VGLL4: variants seen among roughly 807,000 people sequenced by gnomAD.
VGLL4 encodes the protein transcription cofactor vestigial-like protein 4.
In VGLL4, 7 loss-of-function variants were observed where a neutral mutation model predicts 21.0. That is an observed-to-expected ratio of 0.33 (90% CI 0.19 to 0.63). VGLL4 has a LOEUF of 0.63. Among genes scored for constraint, VGLL4 ranks in the 20% least tolerant of loss-of-function variants. VGLL4 has a pLI of 0.78. For synonymous variants in VGLL4, 222 were observed against 173.2 expected, an observed-to-expected ratio of 1.28 and a Z score of -2.21; for missense variants, 394 against 425.7, an observed-to-expected ratio of 0.93 and a Z score of 0.66.
intron 1 of VGLL4, among the ~76,000 whole-genome samples, chr3:11,634,670 G>A (rs1346230685): frequency 3.2e-5 from 3 of 93,058 alleles, no homozygotes; most frequent in Admixed American, 1.4e-4. Flanking sequence ...GAAGGAATGA[G>A]GACTCAGGTT....
At chr3:11,709,451 A>G (rs201408964) in intron 1 of VGLL4, among the ~76,000 whole-genome samples, 1 of 136,556 alleles carries the variant, frequency 7.3e-6, no homozygotes, top group Non-Finnish European at 1.6e-5. Flanking sequence ...AAAAAAAAAA[A>G]AAAAAAAAAC....
intron 1 of VGLL4, among the ~76,000 whole-genome samples, chr3:11,717,388 G>A (rs2076933780): frequency 6.6e-6 from 1 of 150,566 alleles, no homozygotes; most frequent in Non-Finnish European, 1.5e-5. Flanking sequence ...ATACCTAGAA[G>A]AGACACGAAA....
chr3:11,622,252 T>C (rs1400405133), intron 1 of VGLL4, among the ~76,000 whole-genome samples: 3 of 152,220 alleles, frequency 2.0e-5, no homozygotes, highest in African/African-American at 7.2e-5. Context: ...ATCCGGTTTC[T>C]TGATAAGCCA....
chr3:11,583,012 T>C (rs191306319), intron 2 of VGLL4, among the ~76,000 whole-genome samples: 12 of 152,300 alleles, frequency 7.9e-5, no homozygotes, highest in Admixed American at 4.6e-4. Context: ...GTGCAAGAAG[T>C]TGCTAAGTCT....
At chr3:11,624,174 G>A (rs1165242362) in intron 1 of VGLL4, among the ~76,000 whole-genome samples, 2 of 152,156 alleles carry the variant, frequency 1.3e-5, no homozygotes, top group African/African-American at 4.8e-5. Flanking sequence ...TCCTAGGTCT[G>A]GCTCCAGTCC....
At chr3:11,646,984 A>G (rs2075803461), upstream of VGLL4, among the ~76,000 whole-genome samples, 1 of 152,220 alleles carries the variant, frequency 6.6e-6, no homozygotes, top group Non-Finnish European at 1.5e-5. Context: ...TCAAATCTTA[A>G]TATTAAAGAA....
intron 2 of VGLL4, among the ~76,000 whole-genome samples, chr3:11,579,199 T>C (rs1333934361): frequency 2.8e-5 from 4 of 144,408 alleles, no homozygotes; most frequent in African/African-American, 1.0e-4. Flanking sequence ...GGGGAAAGGG[T>C]TGGCCAAGCT....
At chr3:11,601,706 T>G (rs1361226359) in intron 2 of VGLL4, 127 bp downstream of exon 2, 1 of 1,193,858 alleles carries the variant, frequency 8.4e-7, no homozygotes, top group Non-Finnish European at 1.2e-6. Flanking sequence ...CTATTTTTCT[T>G]TTGTAAATAA....
intron 2 of VGLL4, among the ~76,000 whole-genome samples, chr3:11,691,983 G>GAAAAAA (rs36035876): frequency 9.5e-6 from 1 of 105,684 alleles, no homozygotes; most frequent in Admixed American, 9.7e-5. Context: ...TGCACCAAAT[G>GAAAAAA]AAAAAAAAAA....
chr3:11,693,099 G>A (rs931663776), intron 2 of VGLL4: 8 of 208,164 alleles, frequency 3.8e-5, no homozygotes, highest in Non-Finnish European at 7.3e-5. Flanking sequence ...GAGCCCCAGG[G>A]GGCGGAGCTT....
chr3:11,659,326 C>CTTTTTTTTTTTTTTTTTTT (rs5846714), intron 2 of VGLL4, among the ~76,000 whole-genome samples: 1 of 70,824 alleles, frequency 1.4e-5, no homozygotes, highest in Admixed American at 2.0e-4. Flanking sequence ...TTTTCTTTTT[C>CTTTTTTTTTTTTTTTTTTT]TTTTTTTTTT....
At chr3:11,645,527 T>C (rs1408520973), upstream of VGLL4, among the ~76,000 whole-genome samples, 2 of 94,498 alleles carry the variant, frequency 2.1e-5, no homozygotes, top group African/African-American at 8.3e-5. Flanking sequence ...GAAGCGGAGC[T>C]TGCAGTGAGC....
At chr3:11,648,922 G>A (rs1157153247) in intron 2 of VGLL4, among the ~76,000 whole-genome samples, 2 of 152,238 alleles carry the variant, frequency 1.3e-5, no homozygotes, top group South Asian at 2.1e-4. Flanking sequence ...TGCTAATGCA[G>A]TATAAACAGA....
intron 1 of VGLL4, among the ~76,000 whole-genome samples, chr3:11,620,987 A>G (rs543094980): frequency 1.3e-5 from 2 of 152,324 alleles, no homozygotes; most frequent in Admixed American, 1.3e-4. Flanking sequence ...ACCAGACACA[A>G]AGCCTGGCAC....
chr3:11,565,291 G>A lies in VGLL4; in HGVS notation c.273-272C>T, dbSNP rs1276417001. ...AGTGGCGTCCTCTGCCTGACTCTGT[G>A]TTCACTTCTATAATAATCTCCACTC... On this transcript the variant is annotated intron_variant, in intron 2 of 4. Transcript: ENST00000430365. The surrounding 1 kb of genome is among the most constrained non-coding windows in gnomAD (Gnocchi z 4.1). 6.6e-6 allele frequency among the ~76,000 whole-genome samples: 1 copy of A among 152,088 alleles called. No individual in the cohort carries two copies. The highest frequency in any genetic ancestry group is 1.5e-5 in the Non-Finnish European group (1 of 68,026).
intron 2 of VGLL4, among the ~76,000 whole-genome samples, chr3:11,660,488 C>T (rs2076022743): frequency 6.6e-6 from 1 of 152,230 alleles, no homozygotes; most frequent in Admixed American, 6.5e-5. Flanking sequence ...TGCTAGCAGA[C>T]ACATTGTCAA....
At chr3:11,576,185 T>C (rs1027273625) in intron 2 of VGLL4, among the ~76,000 whole-genome samples, 1 of 152,206 alleles carries the variant, frequency 6.6e-6, no homozygotes, top group Non-Finnish European at 1.5e-5. Context: ...CAGCCAGCAG[T>C]GGATGCCCAC....
At chr3:11,574,761 C>A (rs1263780212) in intron 2 of VGLL4, among the ~76,000 whole-genome samples, 2 of 147,762 alleles carry the variant, frequency 1.4e-5, no homozygotes, top group Non-Finnish European at 3.0e-5. Flanking sequence ...TGAATATGTA[C>A]AATTACTGTC....
intron 2 of VGLL4, among the ~76,000 whole-genome samples, chr3:11,599,525 C>T (rs1575435918): frequency 1.7e-5 from 1 of 60,484 alleles, no homozygotes; most frequent in Non-Finnish European, 2.8e-5. Context: ...AAATTATTTT[C>T]TTTTTTTTTT....
Sources: allele counts gnomAD v4.1 joint callset (sites outside exome capture counted in the v4.1 genomes callset), GRCh38; gene constraint gnomAD v4.1.1; non-coding constraint Gnocchi (gnomAD v3.1); transcripts MANE v1.5; gene names NCBI Gene and HGNC (gene_info 2026-07-23, HGNC 2026-07-21).